The following CYBC1 variants were observed in gnomAD, a reference collection of about 807,000 sequenced individuals.
CYBC1 encodes the protein cytochrome b-245 chaperone 1.
CYBC1 carries 22 observed loss-of-function variants against 21.7 expected under a neutral mutation model. The ratio of observed to expected loss-of-function variants is 1.02; its 90% CI spans 0.73 to 1.45. The LOEUF is 1.45. Among genes scored for constraint, CYBC1 ranks in the 40% most tolerant of loss-of-function variants. The pLI is 0.00. For missense variants in CYBC1, 237 were observed against 242.1 expected, an observed-to-expected ratio of 0.98 and a Z score of 0.14; for synonymous variants, 112 against 98.7, an observed-to-expected ratio of 1.13 and a Z score of -0.80.
chr17:82,447,575 T>C lies in CYBC1; in HGVS notation c.127+5A>G. 6.3e-7 allele frequency: 1 copy of C among 1,599,116 alleles called. No individual in the cohort carries two copies. Among genetic ancestry groups the C allele is most frequent in the African/African-American group, 1.3e-5 (1 of 74,934 alleles). ...CATGGGGGGGTGGGGCGGGGGGTGC[T>C]TTACCTCCGCTGTAGTAGGCAGCAG... On this transcript the variant is annotated splice_donor_5th_base_variant and intron_variant, in intron 3 of 6. Transcript: ENST00000306645.
chr17:82,445,816 G>A (rs374953262), intron 5 of CYBC1, 48 bp downstream of exon 5: 36 of 1,447,146 alleles, frequency 2.5e-5, no homozygotes, highest in African/African-American at 2.8e-5. Context: ...GCCCAAGTGC[G>A]CCGCCTCTGT....
Position 82,442,656 on chromosome 17 carries a change from G to T in CYBC1, c.*1348C>A, listed in dbSNP as rs866673548. 10 of 1,430,946 alleles carry T rather than the reference G, an allele frequency of 7.0e-6. No homozygotes were observed. In the African/African-American group the frequency reaches 1.3e-4, roughly 18 times the overall value. The allele number at this position is 1,430,946 out of a possible 1,614,324, so 88.6% of individuals were successfully genotyped here. ...GGAAGCTGCAGGTGACACGTGAAGG[G>T]TTATTTATGGTTATGATGACCCTGT... On this transcript the variant is annotated 3_prime_UTR_variant, in exon 7 of 7. Transcript: ENST00000306645. This position sits in a 1 kb window ranked among gnomAD's most constrained non-coding sequence, Gnocchi z 6.8.
rs79849773 is a variant in CYBC1, at chr17:82,446,306, G to A, written c.201+317C>T. Among the ~76,000 whole-genome samples the A allele has an allele frequency of 1.8e-4, 27 of 152,350 alleles. 1 individual carries two copies. The East Asian group carries it at 3.7e-3, about 21-fold the overall frequency. On this transcript the variant is annotated intron_variant, in intron 4 of 6. Coordinates refer to ENST00000306645, the MANE Select transcript of CYBC1 (RefSeq NM_001033046.4). Reference sequence around the variant, plus strand: ...GCTGAAAGGACTCATGAGGGGCTCCGAGGTGGGAGGGCCGGCCACGGGGAA... The same window carrying A: ...GCTGAAAGGACTCATGAGGGGCTCCAAGGTGGGAGGGCCGGCCACGGGGAA...
Position 82,444,560 on chromosome 17 carries a change from C to A in CYBC1, c.330G>T (p.Val110=). ...VVVLLHDVRD[V]SVEEEKVRYF... ...ACCGGACCTTCTCCTCCTCCACGCTCACATCACGGACATCATGGAGCAGGA... is the reference window on the plus strand; with the variant it reads ...ACCGGACCTTCTCCTCCTCCACGCTAACATCACGGACATCATGGAGCAGGA... Residue 110 remains valine, a synonymous_variant, in exon 6 of 7, where the codon GTG becomes GTT. Transcript: ENST00000306645. The A allele has an allele frequency of 1.2e-6, 2 of 1,613,642 alleles. No individual in the cohort carries two copies. Among genetic ancestry groups the A allele is most frequent in the Non-Finnish European group, 1.7e-6 (2 of 1,179,702 alleles).
intron 5 of CYBC1, 191 bp downstream of exon 5, chr17:82,445,673 G>A: frequency 1.8e-6 from 1 of 548,036 alleles, no homozygotes; most frequent in African/African-American, 1.9e-5. Flanking sequence ...ACCCTGCTGA[G>A]CAGGTGAGCA....
In CYBC1 at chr17:82,442,769, G is replaced by C; in HGVS notation, c.*1235C>G. 2 of 620,898 alleles carry C rather than the reference G, an allele frequency of 3.2e-6. No individual in the cohort carries two copies. The highest frequency in any genetic ancestry group is 5.5e-6 in the Non-Finnish European group (2 of 364,328). 38.5% of individuals were successfully genotyped at this position (620,898 alleles called of 1,614,324 possible). A position where few individuals can be genotyped will look rare whatever the true frequency, so the allele number is the denominator to read the frequency against. On this transcript the variant is annotated 3_prime_UTR_variant, in exon 7 of 7. Transcript: ENST00000306645. The surrounding 1 kb of genome is among the most constrained non-coding windows in gnomAD (Gnocchi z 6.8). ...TTCACCGAGGTCACAGCCAGACGTG[G>C]GGCAAAGGTGTTCCCTGTCCTACCC...
At chr17:82,444,663 T>C in intron 5 of CYBC1, 72 bp from the exon 6 acceptor site, 3 of 1,508,482 alleles carry the variant, frequency 2.0e-6, no homozygotes, top group Non-Finnish European at 1.8e-6. Context: ...CCAGCGCCAC[T>C]GGCATCATCG....
intron 5 of CYBC1, 99 bp downstream of exon 5, chr17:82,445,765 C>T: frequency 1.2e-6 from 1 of 843,594 alleles, no homozygotes; most frequent in Non-Finnish European, 1.8e-6. Flanking sequence ...GGACCAAAGG[C>T]ACTTCCAGGC....
chr17:82,449,195 G>A lies in CYBC1; in HGVS notation c.60C>T (p.Gly20=). 6.3e-7 allele frequency: 1 copy of A among 1,582,508 alleles called. No individual in the cohort carries two copies. The highest frequency in any genetic ancestry group is 2.3e-5 in the East Asian group (1 of 43,406). The part of the protein sequence containing the change: ...SSRLHLKRAP[G]IRSWSLLVGI... ...CAACCAGCAGGGACCAGGACCGGAT[G>A]CCTGGAGCCCTCTTCAGATGGAGGC... The change falls in exon 2 of 7, where the codon GGC becomes GGT. Residue 20 remains glycine (G), a synonymous_variant. Transcript: ENST00000306645.
intron 5 of CYBC1, 34 bp downstream of exon 5, chr17:82,445,830 C>T (rs758902494): frequency 5.2e-6 from 8 of 1,539,598 alleles, no homozygotes; most frequent in Middle Eastern, 1.7e-4. Context: ...CCTCTGTGGC[C>T]GTGTCCCATG....
intron 2 of CYBC1, 126 bp from the exon 3 acceptor site, chr17:82,447,747 G>C: frequency 4.7e-6 from 4 of 847,540 alleles, no homozygotes; most frequent in Non-Finnish European, 7.8e-6. Flanking sequence ...GCTGTGGTCA[G>C]GGGTTACAGA....
At chr17:82,445,571 AC>A (rs2054232610) in intron 5 of CYBC1, 1 of 315,410 alleles carries the variant, frequency 3.2e-6, no homozygotes, top group Non-Finnish European at 5.9e-6. Context: ...TGCTCCTCAG[AC>A]CCCTGCTCTG....
intron 4 of CYBC1, 47 bp from the exon 5 acceptor site, chr17:82,446,007 G>GC: frequency 6.5e-7 from 1 of 1,532,214 alleles, no homozygotes; most frequent in Non-Finnish European, 9.0e-7. Context: ...AGGAACGGGG[G>GC]CCCCGTGGCC....
At chr17:82,444,227 C>T in intron 6 of CYBC1, 103 bp from the exon 7 acceptor site, 1 of 1,510,896 alleles carries the variant, frequency 6.6e-7, no homozygotes, top group Non-Finnish European at 8.9e-7. Flanking sequence ...CCCGCAGACC[C>T]TGGAGCTCCC....
At chr17:82,447,743 G>T in intron 2 of CYBC1, 122 bp from the exon 3 acceptor site, 1 of 885,600 alleles carries the variant, frequency 1.1e-6, no homozygotes, top group Non-Finnish European at 1.8e-6. Context: ...AACAGCTGTG[G>T]TCAGGGGTTA....
Position 82,445,895 on chromosome 17 carries a change from C to T in CYBC1, c.267G>A (p.Leu89=), listed in dbSNP as rs1474476189. 2.5e-6 allele frequency: 4 copies of T among 1,613,140 alleles called. No individual in the cohort carries two copies. In the Admixed American group the frequency reaches 6.7e-5, roughly 27 times the overall value. Residue 89 remains leucine, a synonymous_variant, in exon 5 of 7, where the codon CTG becomes CTA. Coordinates refer to ENST00000306645, the MANE Select transcript of CYBC1 (RefSeq NM_001033046.4). ...CGTGGCCAGCTCTGAAAAGAGTCAG[C>T]AGCTTCTTGTAGAGGCTGAACGTCT... The part of the protein sequence containing the change: ...VLKTFSLYKK[L]LTLFRAGHDQ...
rs113840784 is a variant in CYBC1 at position 82,447,222 on chromosome 17, G to A, written c.127+358C>T. 13 of 354,870 alleles carry A rather than the reference G, an allele frequency of 3.7e-5. No homozygotes were observed. In the East Asian group the frequency reaches 7.3e-4, roughly 20 times the overall value. 22.0% of individuals were successfully genotyped at this position (354,870 alleles called of 1,614,324 possible). ...CAAAAAATTAGCCGGGCGTAGTGGC[G>A]GGCGCCTGTAGTCCCAGCTACTTGG... On this transcript the variant is annotated intron_variant, in intron 3 of 6. Coordinates refer to ENST00000306645, the MANE Select transcript of CYBC1 (RefSeq NM_001033046.4).
In CYBC1 at chr17:82,444,053, A is replaced by G. The variant is rs780638974; in HGVS notation, c.515T>C (p.Leu172Pro). 2.5e-6 allele frequency: 4 copies of G among 1,613,632 alleles called. No individual in the cohort carries two copies. Among genetic ancestry groups the G allele is most frequent in the Non-Finnish European group, 3.4e-6 (4 of 1,179,986 alleles). ...ELHCLESPTELSQSSDSEAGD... is the reference protein window; with the variant it reads ...ELHCLESPTEPSQSSDSEAGD... ...GGCCTCACTGTCGCTGCTCTGAGAC[A>G]GCTCTGTGGGGCTCTCAAGGCAGTG... Residue 172 changes from leucine (L) to proline (P), a missense_variant, in exon 7 of 7, where the codon CTG becomes CCG. Physicochemically the swap from Leu to Pro is moderately conservative, Grantham distance 98 (BLOSUM62 -3). Transcript: ENST00000306645.
chr17:82,442,673 T>C lies in CYBC1; in HGVS notation c.*1331A>G. ...CGTGAAGGGTTATTTATGGTTATGA[T>C]GACCCTGTCCTGCAACGAGGGACTG... On this transcript the variant is annotated 3_prime_UTR_variant, in exon 7 of 7. Coordinates refer to ENST00000306645, the MANE Select transcript of CYBC1 (RefSeq NM_001033046.4). This position sits in a 1 kb window ranked among gnomAD's most constrained non-coding sequence, Gnocchi z 6.8. The C allele has an allele frequency of 2.9e-6, 4 of 1,363,238 alleles. No homozygotes were observed. The highest frequency in any genetic ancestry group is 1.9e-4 in the Middle Eastern group (1 of 5,302). The allele number at this position is 1,363,238 out of a possible 1,614,324, so 84.4% of individuals were successfully genotyped here. A position where few individuals can be genotyped will look rare whatever the true frequency, so the allele number is the denominator to read the frequency against.
Sources: gnomAD v4.1 joint callset for allele counts (sites outside exome capture counted in the v4.1 genomes callset) on GRCh38, gnomAD v4.1.1 for gene constraint, Gnocchi (gnomAD v3.1) non-coding constraint, MANE v1.5 for transcripts, NCBI Gene and HGNC (gene_info 2026-07-23, HGNC 2026-07-21) for gene names.